Variants in NUP98 observed in about 807,000 individuals in gnomAD.
NUP98 encodes nuclear pore complex protein Nup98-Nup96.
A neutral mutation model predicts 191.9 loss-of-function variants in NUP98; 26 were observed. The ratio of observed to expected loss-of-function variants is 0.14; its 90% CI spans 0.10 to 0.19. NUP98 has a LOEUF of 0.19. Ranked by LOEUF, NUP98 falls within the 10% of genes least tolerant of loss-of-function variation. The pLI is 1.00. For missense variants in NUP98, 1,941 were observed against 2,178.8 expected (o/e 0.89, Z 2.17); for synonymous variants, 808 against 778.4 (o/e 1.04, Z -0.63).
chr11:3,756,857 G>C (rs2080976495), intron 10 of NUP98, among the ~76,000 whole-genome samples: 1 of 146,664 alleles, frequency 6.8e-6, no homozygotes, highest in Admixed American at 6.8e-5. Flanking sequence ...GGAGGCCGAG[G>C]TGAGCGGATC....
In NUP98 at chr11:3,797,380, A is replaced by G; in HGVS notation, c.-29+20T>C. 1 of 402,214 alleles carries G rather than the reference A, an allele frequency of 2.5e-6. No individual in the cohort carries two copies. The highest frequency in any genetic ancestry group is 4.4e-5 in the Admixed American group (1 of 22,712). The allele number at this position is 402,214 out of a possible 1,614,324, so 24.9% of individuals were successfully genotyped here. A position where few individuals can be genotyped will look rare whatever the true frequency, so the allele number is the denominator to read the frequency against. Reference sequence around the variant, plus strand: ...GAAACCTGCCGGTCTCGGCCGCTGCAGCTCGGGCTCCCGACTTACCGCGGT... The same window carrying G: ...GAAACCTGCCGGTCTCGGCCGCTGCGGCTCGGGCTCCCGACTTACCGCGGT... On this transcript the variant is annotated intron_variant, in intron 1 of 32. Coordinates refer to ENST00000324932, the MANE Select transcript of NUP98 (RefSeq NM_016320.5).
chr11:3,773,209 C>A (rs532543203), intron 6 of NUP98, among the ~76,000 whole-genome samples: 1 of 152,004 alleles, frequency 6.6e-6, no homozygotes, highest in Non-Finnish European at 1.5e-5. Context: ...TGAGACCGGC[C>A]TGAGCAACAT....
intron 7 of NUP98, among the ~76,000 whole-genome samples, chr11:3,770,967 A>G (rs563178534): frequency 2.0e-5 from 3 of 152,134 alleles, no homozygotes; most frequent in Non-Finnish European, 4.4e-5. Context: ...GGTTCAAGCG[A>G]TTCTCCTGCC....
At chr11:3,688,959 T>C (rs1057192111) in intron 28 of NUP98, among the ~76,000 whole-genome samples, 3 of 151,348 alleles carry the variant, frequency 2.0e-5, no homozygotes, top group African/African-American at 7.3e-5. Flanking sequence ...CTCTGCTGCG[T>C]GCAGTGGCTG....
At chr11:3,714,489 G>T (rs1370347898) in intron 18 of NUP98, among the ~76,000 whole-genome samples, 1 of 152,138 alleles carries the variant, frequency 6.6e-6, no homozygotes, top group Non-Finnish European at 1.5e-5. Context: ...TTCAAGTGTT[G>T]TATCCTATTC....
rs778455180 is a variant in NUP98, at chr11:3,778,982, A to C, written c.246T>G (p.Gly82=). 1 of 1,614,254 alleles carries C rather than the reference A, an allele frequency of 6.2e-7. No homozygotes were observed. Among genetic ancestry groups the C allele is most frequent in the South Asian group, 1.1e-5 (1 of 91,088 alleles). Residue 82 remains glycine, a synonymous_variant, in exon 4 of 33, where the codon GGT becomes GGG. Coordinates refer to ENST00000324932, the MANE Select transcript of NUP98 (RefSeq NM_016320.5). ...AGGTATTTGCTGTTCCTGTTGACGTACCAAACCCAAAGCCAGTGCTTGTGG... is the reference window on the plus strand; with the variant it reads ...AGGTATTTGCTGTTCCTGTTGACGTCCCAAACCCAAAGCCAGTGCTTGTGG... ...ATSTSTGFGF[G]TSTGTANTLF... is the part of the protein sequence containing the mutation.
intron 18 of NUP98, among the ~76,000 whole-genome samples, chr11:3,715,790 A>T (rs1228030024): frequency 1.3e-5 from 2 of 151,358 alleles, no homozygotes; most frequent in East Asian, 3.9e-4. Context: ...ACTACTTAAA[A>T]TTTTTTTTTG....
At chr11:3,775,492 C>T (rs1480926847) in intron 5 of NUP98, among the ~76,000 whole-genome samples, 1 of 151,542 alleles carries the variant, frequency 6.6e-6, no homozygotes, top group East Asian at 1.9e-4. Flanking sequence ...GCTGAGATTG[C>T]ACCACCACAC....
At chr11:3,722,059 T>C (rs2079422642) in intron 16 of NUP98, among the ~76,000 whole-genome samples, 1 of 150,696 alleles carries the variant, frequency 6.6e-6, no homozygotes, top group South Asian at 2.1e-4. Flanking sequence ...GCATAATAAA[T>C]TCATGTAGAG....
intron 14 of NUP98, among the ~76,000 whole-genome samples, chr11:3,727,742 A>C (rs1473697895): frequency 2.0e-5 from 3 of 152,114 alleles, no homozygotes; most frequent in African/African-American, 7.2e-5. Flanking sequence ...TTTAAATATC[A>C]GCCAGGGACA....
intron 29 of NUP98, among the ~76,000 whole-genome samples, chr11:3,685,527 C>T (rs1055003829): frequency 7.2e-5 from 11 of 152,160 alleles, no homozygotes; most frequent in East Asian, 1.9e-4. Context: ...AAAGAGCCCA[C>T]TATGAGGAGA....
At chr11:3,710,035 G>A (rs542122784) in intron 20 of NUP98, among the ~76,000 whole-genome samples, 23 of 147,764 alleles carry the variant, frequency 1.6e-4, no homozygotes, top group Non-Finnish European at 2.2e-4. Flanking sequence ...AAACCTACAC[G>A]TATCTCTACC....
At chr11:3,707,995 G>A (rs2078914188) in intron 20 of NUP98, among the ~76,000 whole-genome samples, 1 of 152,002 alleles carries the variant, frequency 6.6e-6, no homozygotes, top group East Asian at 1.9e-4. Context: ...CAGTTACTTA[G>A]GAGGCTGAGG....
chr11:3,693,188 A>C (rs781044236), intron 27 of NUP98, 44 bp downstream of exon 27: 38 of 1,606,270 alleles, frequency 2.4e-5, no homozygotes, highest in Non-Finnish European at 3.2e-5. Flanking sequence ...ACAATACTTT[A>C]ACACCCAGCA....
At position 3,725,086 on chromosome 11, in the gene NUP98, A is replaced by C; in HGVS notation, c.1847+17T>G. The C allele has an allele frequency of 8.8e-7, 1 of 1,142,738 alleles. No individual in the cohort carries two copies. The highest frequency in any genetic ancestry group is 1.3e-5 in the South Asian group (1 of 79,082). 70.8% of individuals were successfully genotyped at this position (1,142,738 alleles called of 1,614,324 possible). Reference sequence around the variant, plus strand: ...TAACTCTCTACTAAGAAGAACTCAAAACAGAATTCAGTGTACCTCTCTCCA... The same window carrying C: ...TAACTCTCTACTAAGAAGAACTCAACACAGAATTCAGTGTACCTCTCTCCA... On this transcript the variant is annotated intron_variant, in intron 15 of 32. Transcript: ENST00000324932.
Position 3,773,206 on chromosome 11 carries a change from G to A in NUP98, c.603+426C>T, listed in dbSNP as rs563572412. Among the ~76,000 whole-genome samples the A allele has an allele frequency of 2.2e-3, 330 of 152,044 alleles. 2 individuals are homozygous for A. The highest frequency in any genetic ancestry group is 3.3e-3 in the Non-Finnish European group (227 of 67,984). On this transcript the variant is annotated intron_variant, in intron 6 of 32. Coordinates refer to ENST00000324932, the MANE Select transcript of NUP98 (RefSeq NM_016320.5). Reference sequence around the variant, plus strand: ...CGCTTGAGCTCAGGAGTCTGAGACCGGCCTGAGCAACATAGTGAGACCTCA... The same window carrying A: ...CGCTTGAGCTCAGGAGTCTGAGACCAGCCTGAGCAACATAGTGAGACCTCA...
chr11:3,740,879 C>T (rs2080259318), intron 12 of NUP98, among the ~76,000 whole-genome samples: 1 of 151,064 alleles, frequency 6.6e-6, no homozygotes, highest in Non-Finnish European at 1.5e-5. Flanking sequence ...AGTGTAGCGG[C>T]GTGACGTCGG....
At chr11:3,734,905 A>G (rs1279537037) in intron 13 of NUP98, among the ~76,000 whole-genome samples, 1 of 152,162 alleles carries the variant, frequency 6.6e-6, no homozygotes, top group Non-Finnish European at 1.5e-5. Context: ...AAAAAACTTA[A>G]AAAAAGTTGT....
intron 22 of NUP98, among the ~76,000 whole-genome samples, chr11:3,704,995 G>C (rs1034534085): frequency 3.3e-5 from 5 of 152,246 alleles, no homozygotes; most frequent in Non-Finnish European, 7.3e-5. Context: ...GCAACAGAGA[G>C]AGACCCTGTC....
Sources: gnomAD v4.1 joint callset for allele counts (sites outside exome capture counted in the v4.1 genomes callset) on GRCh38, gnomAD v4.1.1 for gene constraint, MANE v1.5 for transcripts, NCBI Gene and HGNC (gene_info 2026-07-23, HGNC 2026-07-21) for gene names.